The following APBB2 variants were observed in gnomAD, a reference collection of about 807,000 sequenced individuals.
APBB2 encodes the protein amyloid beta precursor protein binding family B member 2.
A neutral mutation model predicts 82.5 loss-of-function variants in APBB2; 38 were observed. The ratio of observed to expected loss-of-function variants is 0.46; its 90% CI spans 0.36 to 0.60. APBB2 has a LOEUF of 0.60. Ranked by LOEUF, APBB2 falls within the 20% of genes least tolerant of loss-of-function variation. APBB2 has a pLI of 0.00. For synonymous variants in APBB2, 341 were observed against 368.2 expected, an observed-to-expected ratio of 0.93 and a Z score of 0.85; for missense variants, 772 against 972.3, an observed-to-expected ratio of 0.79 and a Z score of 2.74.
intron 6 of APBB2, among the ~76,000 whole-genome samples, chr4:41,008,397 T>C (rs1168825243): frequency 2.6e-5 from 4 of 152,240 alleles, no homozygotes; most frequent in East Asian, 3.8e-4. Context: ...GAGTGTCTTA[T>C]TCAACACATA....
intron 2 of APBB2, among the ~76,000 whole-genome samples, chr4:41,139,400 T>C (rs1454951981): frequency 6.6e-6 from 1 of 152,126 alleles, no homozygotes; most frequent in Non-Finnish European, 1.5e-5. Flanking sequence ...AAAACTGACA[T>C]CATATTTAAT....
chr4:41,004,761 T>C (rs1579170354), intron 6 of APBB2, among the ~76,000 whole-genome samples: 1 of 126,780 alleles, frequency 7.9e-6, no homozygotes, highest in Non-Finnish European at 1.6e-5. Flanking sequence ...GGCGTGAACC[T>C]GGGAGGCGGA....
intron 1 of APBB2, among the ~76,000 whole-genome samples, chr4:41,155,335 C>T (rs566316823): frequency 6.6e-6 from 1 of 152,226 alleles, no homozygotes; most frequent in Non-Finnish European, 1.5e-5. Context: ...ACAGAACATT[C>T]CACTGATAGT....
intron 12 of APBB2, among the ~76,000 whole-genome samples, chr4:40,836,204 C>T (rs1402429081): frequency 6.6e-6 from 1 of 152,104 alleles, no homozygotes; most frequent in South Asian, 2.1e-4. Context: ...TGGCCGGGCG[C>T]GGTGGCTCAT....
intron 1 of APBB2, among the ~76,000 whole-genome samples, chr4:41,170,423 TACAA>T (rs748314623): frequency 6.6e-6 from 1 of 152,150 alleles, no homozygotes; most frequent in Non-Finnish European, 1.5e-5. Context: ...TTATGATGGT[TACAA>T]ACAAAGAAGG....
intron 12 of APBB2, among the ~76,000 whole-genome samples, chr4:40,855,785 T>G (rs1358661667): frequency 6.6e-6 from 1 of 152,134 alleles, no homozygotes. Context: ...GGGTTCTTAC[T>G]GAGCTACAAA....
chr4:40,973,852 CT>C (rs145072355), intron 6 of APBB2, among the ~76,000 whole-genome samples: 41,452 of 139,924 alleles, frequency 0.3, 6,230 homozygotes, highest in East Asian at 0.56. Context: ...TCCAAATTTC[CT>C]TTTTTTTTTT....
chr4:41,123,842 A>G lies in APBB2; in HGVS notation c.-261+19145T>C, dbSNP rs534807199. ...TCTCACAAAAAAAAACCAAAAAACA[A>G]AACAAAACAAAAAAAAACCACAAGT... On this transcript the variant is annotated intron_variant, in intron 2 of 17. Coordinates refer to ENST00000508593, the MANE Select transcript of APBB2 (RefSeq NM_004307.2). 1.8e-4 allele frequency among the ~76,000 whole-genome samples: 28 copies of G among 151,910 alleles called. No homozygotes were observed. The East Asian group carries it at 4.8e-3, about 26-fold the overall frequency.
chr4:41,067,104 G>T (rs540798305), intron 3 of APBB2, among the ~76,000 whole-genome samples: 1 of 152,266 alleles, frequency 6.6e-6, no homozygotes, highest in Middle Eastern at 3.4e-3. Flanking sequence ...GGAAGACAAG[G>T]AATTTAGTTT....
At chr4:40,881,293 A>G (rs1295731947) in intron 12 of APBB2, 1 of 985,144 alleles carries the variant, frequency 1.0e-6, no homozygotes, top group Non-Finnish European at 1.2e-6. Context: ...CCATAGATTA[A>G]ACTTTCATCA....
In APBB2 at chr4:40,944,880, G is replaced by A. The variant is rs780698870; in HGVS notation, c.1029C>T (p.Pro343=). 1 of 1,612,952 alleles carries A rather than the reference G, an allele frequency of 6.2e-7. No individual in the cohort carries two copies. The highest frequency in any genetic ancestry group is 1.1e-5 in the South Asian group (1 of 90,994). Residue 343 remains proline, a synonymous_variant, in exon 7 of 18, where the codon CCC becomes CCT. Transcript: ENST00000508593. ...TCCGTTTTACCTCGTTCTCTGGGGT[G>A]GGAGATGGCGTTACAGAACTAAGTG... is the stretch of plus-strand genomic sequence containing the variant. ...KGSLSSVTPS[P]TPENEKQPWS...
At chr4:41,035,326 T>C (rs557601042) in intron 4 of APBB2, among the ~76,000 whole-genome samples, 3 of 152,336 alleles carry the variant, frequency 2.0e-5, no homozygotes, top group South Asian at 2.1e-4. Context: ...CCAAGATACA[T>C]TGTTAATTAT....
chr4:40,975,760 A>ACACACACACACACC (rs1402660455), intron 6 of APBB2, among the ~76,000 whole-genome samples: 11 of 148,468 alleles, frequency 7.4e-5, no homozygotes, highest in Non-Finnish European at 1.3e-4. Context: ...GAAAACACAC[A>ACACACACACACACC]CACACACACA....
At chr4:41,006,445 GATTT>G (rs922645513) in intron 6 of APBB2, among the ~76,000 whole-genome samples, 4 of 152,114 alleles carry the variant, frequency 2.6e-5, no homozygotes, top group Admixed American at 1.3e-4. Context: ...TGGGCCTAGG[GATTT>G]ATTTATTTAT....
chr4:40,930,424 T>A (rs1484803418), intron 10 of APBB2, among the ~76,000 whole-genome samples: 2 of 84,254 alleles, frequency 2.4e-5, no homozygotes, highest in South Asian at 4.5e-4. Context: ...TGGGGAAGTG[T>A]GTGTGTGTGT....
intron 2 of APBB2, chr4:41,118,053 CA>C (rs368913201): frequency 2.8e-4 from 40 of 145,228 alleles, no homozygotes; most frequent in Middle Eastern, 3.7e-3. Context: ...CAAAACAAAA[CA>C]AAAAAAAAAA....
At chr4:40,986,795 C>G (rs566696572) in intron 6 of APBB2, among the ~76,000 whole-genome samples, 1 of 152,152 alleles carries the variant, frequency 6.6e-6, no homozygotes, top group African/African-American at 2.4e-5. Context: ...TCAAAAAGAT[C>G]TTTATTTCAA....
At position 41,067,705 on chromosome 4, in the gene APBB2, C is replaced by T. The variant is rs908617220; in HGVS notation, c.-148-2032G>A. On this transcript the variant is annotated intron_variant, in intron 3 of 17. Transcript: ENST00000508593. The stretch of plus-strand genomic sequence containing the variant: ...CAGGAAGAATGGTAGAGAGGTACCA[C>T]GGGATAGAAAGAGATGAATAAAGAT... 2.6e-5 allele frequency among the ~76,000 whole-genome samples: 4 copies of T among 151,982 alleles called. 1 individual carries two copies. The highest frequency in any genetic ancestry group is 5.9e-5 in the Non-Finnish European group (4 of 68,026).
intron 4 of APBB2, among the ~76,000 whole-genome samples, chr4:41,044,551 C>T (rs1722695758): frequency 6.6e-6 from 1 of 152,156 alleles, no homozygotes; most frequent in Admixed American, 6.5e-5. Context: ...ATATTTCCTC[C>T]ACTGATTTTT....
Sources: allele counts gnomAD v4.1 joint callset (sites outside exome capture counted in the v4.1 genomes callset), GRCh38; gene constraint gnomAD v4.1.1; transcripts MANE v1.5; gene names NCBI Gene and HGNC (gene_info 2026-07-23, HGNC 2026-07-21).